Variants in PTPRD observed in about 807,000 individuals in gnomAD.
The protein encoded by PTPRD is protein tyrosine phosphatase receptor type D.
PTPRD carries 34 observed loss-of-function variants against 214.5 expected under a neutral mutation model. The ratio of observed to expected loss-of-function variants is 0.16; its 90% CI spans 0.12 to 0.21. PTPRD has a LOEUF of 0.21. Ranked by LOEUF, PTPRD falls within the 10% of genes least tolerant of loss-of-function variation. The pLI is 1.00. For missense variants in PTPRD, 2,545 were observed against 2,398.7 expected (o/e 1.06, Z -1.27); for synonymous variants, 1,128 against 845.7 (o/e 1.33, Z -5.79).
chr9:9,328,048 T>C (rs2780069), intron 9 of PTPRD, among the ~76,000 whole-genome samples: 1 of 151,878 alleles, frequency 6.6e-6, no homozygotes, highest in Non-Finnish European at 1.5e-5. Context: ...AGTTTTTGTG[T>C]TGTCTGTTGA....
intron 3 of PTPRD, among the ~76,000 whole-genome samples, chr9:10,155,126 C>G (rs912148237): frequency 6.6e-6 from 1 of 151,988 alleles, no homozygotes; most frequent in African/African-American, 2.4e-5. Flanking sequence ...TTTCTTTGAG[C>G]AGTGTTTTAT....
chr9:9,344,315 G>A (rs977990554), intron 9 of PTPRD, among the ~76,000 whole-genome samples: 7 of 151,966 alleles, frequency 4.6e-5, no homozygotes, highest in Non-Finnish European at 1.0e-4. Flanking sequence ...ATCACACACT[G>A]AGGCCTGTCG....
At chr9:10,001,838 T>G (rs778759580) in intron 4 of PTPRD, among the ~76,000 whole-genome samples, 1 of 152,048 alleles carries the variant, frequency 6.6e-6, no homozygotes, top group Non-Finnish European at 1.5e-5. Context: ...GACAGTAACT[T>G]GAGTCCACAT....
At chr9:8,900,617 A>T (rs1175700161) in intron 11 of PTPRD, among the ~76,000 whole-genome samples, 1 of 152,170 alleles carries the variant, frequency 6.6e-6, no homozygotes, top group Non-Finnish European at 1.5e-5. Context: ...TGATATATTT[A>T]AGTAGGTTGG....
At chr9:9,489,639 A>G (rs2095815682) in intron 8 of PTPRD, among the ~76,000 whole-genome samples, 1 of 152,120 alleles carries the variant, frequency 6.6e-6, no homozygotes, top group African/African-American at 2.4e-5. Context: ...AAAAGGATAT[A>G]GAGGGCTTCA....
intron 3 of PTPRD, among the ~76,000 whole-genome samples, chr9:10,299,976 A>C (rs761668698): frequency 6.6e-6 from 1 of 152,144 alleles, no homozygotes; most frequent in African/African-American, 2.4e-5. Flanking sequence ...TTCATTTTAT[A>C]ATATATCTCT....
intron 11 of PTPRD, among the ~76,000 whole-genome samples, chr9:8,837,655 C>A (rs1238336618): frequency 2.6e-5 from 4 of 152,022 alleles, no homozygotes; most frequent in Non-Finnish European, 5.9e-5. Flanking sequence ...TACCACCATG[C>A]CTCGCTAAAC....
At chr9:10,572,741 G>A (rs1291489907) in intron 2 of PTPRD, among the ~76,000 whole-genome samples, 1 of 152,048 alleles carries the variant, frequency 6.6e-6, no homozygotes, top group African/African-American at 2.4e-5. Context: ...TAAATGTATT[G>A]ACTCCAGACA....
At chr9:10,295,211 A>T (rs957218871) in intron 3 of PTPRD, among the ~76,000 whole-genome samples, 3 of 152,088 alleles carry the variant, frequency 2.0e-5, no homozygotes, top group African/African-American at 7.2e-5. Context: ...TTTCCTAAAA[A>T]CAAAGACCAT....
chr9:8,527,387 C>A (rs2074459703), intron 15 of PTPRD, 34 bp from the exon 16 acceptor site: 2 of 1,596,472 alleles, frequency 1.3e-6, no homozygotes, highest in Non-Finnish European at 1.7e-6. Flanking sequence ...AGAAAGACAG[C>A]ATAAAAATAT....
Position 8,484,384 on chromosome 9 carries a change from G to A in PTPRD, c.3154-6C>T, listed in dbSNP as rs201651867. 1.2e-6 allele frequency: 2 copies of A among 1,604,992 alleles called. No homozygotes were observed. The highest frequency in any genetic ancestry group is 1.3e-5 in the African/African-American group (1 of 74,340). On this transcript the variant is annotated splice_polypyrimidine_tract_variant and splice_region_variant and intron_variant, in intron 29 of 45. Coordinates refer to ENST00000381196, the MANE Select transcript of PTPRD (RefSeq NM_002839.4). ...TTCCCATCATCATAAAGAATCTAAA[G>A]AGATAAAACCAATAAAAAAAAAATC...
intron 2 of PTPRD, among the ~76,000 whole-genome samples, chr9:10,350,155 T>TC (rs2097158197): frequency 6.6e-6 from 1 of 151,636 alleles, no homozygotes; most frequent in Non-Finnish European, 1.5e-5. Flanking sequence ...TGTTTTTTTT[T>TC]CTTCTCAGCA....
chr9:8,839,813 C>G (rs1275256524), intron 11 of PTPRD, among the ~76,000 whole-genome samples: 1 of 151,970 alleles, frequency 6.6e-6, no homozygotes, highest in Admixed American at 6.6e-5. Context: ...AAAAGACAAA[C>G]AGACACATCT....
chr9:10,464,231 C>G (rs2098978100), intron 2 of PTPRD, among the ~76,000 whole-genome samples: 3 of 151,888 alleles, frequency 2.0e-5, no homozygotes, highest in Admixed American at 2.0e-4. Flanking sequence ...AACCCCATCT[C>G]TACTAAAAAA....
intron 3 of PTPRD, among the ~76,000 whole-genome samples, chr9:10,221,951 G>T (rs1211451210): frequency 6.6e-6 from 1 of 151,714 alleles, no homozygotes; most frequent in African/African-American, 2.4e-5. Flanking sequence ...AACACAATTA[G>T]ATAGGCTAAC....
At chr9:8,717,773 G>C (rs945924871) in intron 12 of PTPRD, among the ~76,000 whole-genome samples, 2 of 152,100 alleles carry the variant, frequency 1.3e-5, no homozygotes, top group African/African-American at 4.8e-5. Context: ...GAGAATCACC[G>C]TTTTACCGGA....
At chr9:9,592,011 T>C (rs1016783342) in intron 7 of PTPRD, among the ~76,000 whole-genome samples, 1 of 152,118 alleles carries the variant, frequency 6.6e-6, no homozygotes, top group African/African-American at 2.4e-5. Flanking sequence ...TTCTAGGAGA[T>C]CAACTTGTTT....
At chr9:9,160,923 C>T (rs547871116) in intron 10 of PTPRD, among the ~76,000 whole-genome samples, 3 of 152,204 alleles carry the variant, frequency 2.0e-5, no homozygotes. Flanking sequence ...ATAAACCAGG[C>T]ACAGAAAGAC....
intron 12 of PTPRD, among the ~76,000 whole-genome samples, chr9:8,713,133 C>G (rs1017018510): frequency 1.3e-5 from 2 of 152,160 alleles, no homozygotes; most frequent in African/African-American, 2.4e-5. Flanking sequence ...TTAAAAACAA[C>G]AACAACGATA....
Sources: allele counts gnomAD v4.1 joint callset (sites outside exome capture counted in the v4.1 genomes callset), GRCh38; gene constraint gnomAD v4.1.1; transcripts MANE v1.5; gene names NCBI Gene and HGNC (gene_info 2026-07-23, HGNC 2026-07-21).